The following SLC30A8 variants were observed in gnomAD, a reference collection of about 807,000 sequenced individuals.
SLC30A8 encodes the protein proton-coupled zinc antiporter SLC30A8.
In SLC30A8, 27 loss-of-function variants were observed where a neutral mutation model predicts 36.9. That is an observed-to-expected ratio of 0.73 (90% CI 0.54 to 1.01). The LOEUF is 1.01. Ranked by LOEUF, SLC30A8 falls within the 50% of genes least tolerant of loss-of-function variation. The probability of loss-of-function intolerance (pLI) is 0.00; values close to 1 mark genes in which losing one functional copy is unlikely to be tolerated. For missense variants in SLC30A8, 439 were observed against 452.0 expected (o/e 0.97, Z 0.26); for synonymous variants, 164 against 172.4 (o/e 0.95, Z 0.38).
At chr8:117,135,905 G>A (rs1821338200) in intron 1 of SLC30A8, among the ~76,000 whole-genome samples, 1 of 151,670 alleles carries the variant, frequency 6.6e-6, no homozygotes, top group Non-Finnish European at 1.5e-5. Context: ...TCTTTTTAAT[G>A]TCTCCCACAG....
chr8:116,963,014 T>C, intron 1 of SLC30A8, among the ~76,000 whole-genome samples: 1 of 151,670 alleles, frequency 6.6e-6, no homozygotes, highest in East Asian at 1.9e-4. Flanking sequence ...CCTGGTAGTT[T>C]GGTGAAATTA....
intron 1 of SLC30A8, among the ~76,000 whole-genome samples, chr8:116,973,403 CAG>C (rs946249897): frequency 6.6e-6 from 1 of 152,116 alleles, no homozygotes; most frequent in Admixed American, 6.6e-5. Context: ...AACAGACAAA[CAG>C]AGAGCCAAAT....
At chr8:117,162,488 C>G (rs1822843714) in intron 5 of SLC30A8, among the ~76,000 whole-genome samples, 1 of 152,050 alleles carries the variant, frequency 6.6e-6, no homozygotes, top group South Asian at 2.1e-4. Context: ...CCCGGTAAGC[C>G]TCTGACCCTA....
chr8:117,017,148 T>TA (rs1353734884), intron 1 of SLC30A8, among the ~76,000 whole-genome samples: 1 of 152,126 alleles, frequency 6.6e-6, no homozygotes, highest in Admixed American at 6.5e-5. Context: ...GAGATTAAAT[T>TA]AGTTAATATA....
intron 1 of SLC30A8, among the ~76,000 whole-genome samples, chr8:116,985,293 T>TACAC (rs71305454): frequency 0.023 from 3,161 of 140,284 alleles, 31 homozygotes; most frequent in Middle Eastern, 0.03. Context: ...CTCACACACA[T>TACAC]ACACACACAC....
chr8:117,047,699 C>T (rs1361357626), intron 2 of SLC30A8, among the ~76,000 whole-genome samples: 1 of 152,160 alleles, frequency 6.6e-6, no homozygotes, highest in African/African-American at 2.4e-5. Context: ...GCAACTCCAT[C>T]TTAAGTAGAA....
Position 117,175,771 on chromosome 8 carries a change from C to G in SLC30A8, c.*3090C>G, listed in dbSNP as rs577309756. 6.6e-6 allele frequency: 1 copy of G among 152,040 alleles called. No individual in the cohort carries two copies. Among genetic ancestry groups the G allele is most frequent in the Non-Finnish European group, 1.5e-5 (1 of 67,976 alleles). 9.4% of individuals were successfully genotyped at this position (152,040 alleles called of 1,614,324 possible). A position where few individuals can be genotyped will look rare whatever the true frequency, so the allele number is the denominator to read the frequency against. ...GAAATTTTGAGTTATCAACACCGTTCCCACAAGACAGTGGCAAAATTATTG... is the reference window on the plus strand; with the variant it reads ...GAAATTTTGAGTTATCAACACCGTTGCCACAAGACAGTGGCAAAATTATTG... On this transcript the variant is annotated 3_prime_UTR_variant, in exon 8 of 8. Transcript: ENST00000456015.
intron 6 of SLC30A8, among the ~76,000 whole-genome samples, chr8:117,169,217 CA>C (rs1823234705): frequency 6.6e-6 from 1 of 152,086 alleles, no homozygotes. Context: ...GAGGTAGGAT[CA>C]AAAACTCAGC....
chr8:117,067,285 A>G (rs1818199162), intron 2 of SLC30A8, among the ~76,000 whole-genome samples: 1 of 152,068 alleles, frequency 6.6e-6, no homozygotes, highest in Non-Finnish European at 1.5e-5. Context: ...CATTGACTCT[A>G]CTGGATTTTA....
intron 1 of SLC30A8, among the ~76,000 whole-genome samples, chr8:117,026,433 T>C (rs898302673): frequency 7.2e-5 from 11 of 152,190 alleles, no homozygotes; most frequent in African/African-American, 2.4e-4. Context: ...AAAGCAAGTA[T>C]GCCTGGAAGA....
intron 1 of SLC30A8, among the ~76,000 whole-genome samples, chr8:116,959,462 A>G (rs1197223841): frequency 2.0e-5 from 3 of 152,198 alleles, no homozygotes; most frequent in Admixed American, 6.5e-5. Context: ...ATTATGGATC[A>G]TATTTTCCTG....
intron 2 of SLC30A8, among the ~76,000 whole-genome samples, chr8:117,125,526 A>G (rs572410819): frequency 2.2e-4 from 34 of 152,106 alleles, no homozygotes; most frequent in Non-Finnish European, 4.4e-4. Flanking sequence ...GAGTGGCACT[A>G]TGAGGGACCT....
At chr8:117,071,317 T>C (rs952866078) in intron 2 of SLC30A8, among the ~76,000 whole-genome samples, 1 of 152,220 alleles carries the variant, frequency 6.6e-6, no homozygotes, top group Admixed American at 6.5e-5. Context: ...TGAGCTTTTT[T>C]TTCATGTGCC....
intron 1 of SLC30A8, among the ~76,000 whole-genome samples, chr8:116,987,305 G>A (rs1365228235): frequency 7.4e-6 from 1 of 134,582 alleles, no homozygotes; most frequent in Non-Finnish European, 1.6e-5. Context: ...GGTGGGGTGG[G>A]GGGAGGGGAT....
At chr8:117,030,127 C>T (rs1004889882) in intron 1 of SLC30A8, among the ~76,000 whole-genome samples, 6 of 152,066 alleles carry the variant, frequency 3.9e-5, no homozygotes, top group African/African-American at 7.2e-5. Flanking sequence ...AAGTGACCCT[C>T]AGTCGTTCAT....
chr8:117,075,141 CT>C (rs1261772992), intron 2 of SLC30A8, among the ~76,000 whole-genome samples: 11 of 152,088 alleles, frequency 7.2e-5, no homozygotes, highest in Non-Finnish European at 1.3e-4. Flanking sequence ...GCAAACACAA[CT>C]TCCTATAACA....
intron 1 of SLC30A8, among the ~76,000 whole-genome samples, chr8:116,995,340 C>A (rs1815778847): frequency 6.6e-6 from 1 of 151,962 alleles, no homozygotes; most frequent in Admixed American, 6.6e-5. Context: ...AATAAGCCAC[C>A]AAATAAAGCC....
At chr8:117,137,341 A>G (rs1487331740) in intron 1 of SLC30A8, among the ~76,000 whole-genome samples, 4 of 151,616 alleles carry the variant, frequency 2.6e-5, no homozygotes, top group Admixed American at 2.0e-4. Flanking sequence ...TCTACTTTCT[A>G]TTATCAGCTT....
At chr8:117,109,687 G>A (rs986208139) in intron 2 of SLC30A8, among the ~76,000 whole-genome samples, 3 of 152,100 alleles carry the variant, frequency 2.0e-5, no homozygotes, top group Admixed American at 1.3e-4. Context: ...CTGCAACATC[G>A]GTATTTACGT....
Sources: gnomAD v4.1 joint callset for allele counts (sites outside exome capture counted in the v4.1 genomes callset) on GRCh38, gnomAD v4.1.1 for gene constraint, MANE v1.5 for transcripts, NCBI Gene and HGNC (gene_info 2026-07-23, HGNC 2026-07-21) for gene names.